PKHD1L1: variants seen among roughly 807,000 people sequenced by gnomAD.
PKHD1L1 encodes the protein fibrocystin-L.
PKHD1L1 carries 434 observed loss-of-function variants against 462.9 expected under a neutral mutation model. The ratio of observed to expected loss-of-function variants is 0.94; its 90% CI spans 0.87 to 1.02. The LOEUF is 1.02. Ranked by LOEUF, PKHD1L1 falls within the 50% of genes least tolerant of loss-of-function variation. The probability of loss-of-function intolerance (pLI) is 0.00; values close to 1 mark genes in which losing one functional copy is unlikely to be tolerated. For missense variants in PKHD1L1, 5,202 were observed against 5,096.1 expected (o/e 1.02, Z -0.63); for synonymous variants, 1,781 against 1,750.0 (o/e 1.02, Z -0.44).
In PKHD1L1 at chr8:109,382,462, G is replaced by A; in HGVS notation, c.309-1G>A. 6.2e-7 allele frequency: 1 copy of A among 1,602,210 alleles called. No homozygotes were observed. ...TCATATATTCTTCATTTTCTTTATA[G>A]AGCAATGCCGGAAGATTCCTACACT... On this transcript the variant is annotated splice_acceptor_variant, in intron 3 of 77. Coordinates refer to ENST00000378402, the MANE Select transcript of PKHD1L1 (RefSeq NM_177531.6). LOFTEE classifies it high-confidence loss of function.
chr8:109,432,729 T>G (rs1586498531), intron 27 of PKHD1L1, among the ~76,000 whole-genome samples: 1 of 152,348 alleles, frequency 6.6e-6, no homozygotes, highest in East Asian at 1.9e-4. Flanking sequence ...GCATGGTTTA[T>G]CCTTTCCTCA....
At chr8:109,477,115 T>C in intron 52 of PKHD1L1, 110 bp from the exon 53 acceptor site, 1 of 994,008 alleles carries the variant, frequency 1.0e-6, no homozygotes. Flanking sequence ...ACATGTGAAT[T>C]ATAATTCAAG....
chr8:109,415,209 C>A (rs1814085429), intron 21 of PKHD1L1, among the ~76,000 whole-genome samples: 1 of 151,814 alleles, frequency 6.6e-6, no homozygotes, highest in African/African-American at 2.4e-5. Flanking sequence ...GCCATGTTGC[C>A]ACAGCTGGTC....
chr8:109,486,944 G>C (rs1341491326), intron 59 of PKHD1L1, 123 bp downstream of exon 59: 1 of 1,043,710 alleles, frequency 9.6e-7, no homozygotes, highest in Non-Finnish European at 1.4e-6. Context: ...AGCATTAAAA[G>C]TGATTATGTA....
intron 16 of PKHD1L1, among the ~76,000 whole-genome samples, chr8:109,405,452 C>T (rs566320851): frequency 2.1e-4 from 32 of 152,022 alleles, no homozygotes; most frequent in African/African-American, 6.5e-4. Flanking sequence ...CCCAAATGCC[C>T]GTCAATGATA....
intron 4 of PKHD1L1, among the ~76,000 whole-genome samples, chr8:109,382,798 T>C (rs2168679): frequency 0.55 from 83,591 of 151,166 alleles, 23,258 homozygotes; most frequent in South Asian, 0.65. Context: ...ATTAAACTTT[T>C]GTACTTCAAA....
At chr8:109,381,324 A>G (rs1407244981) in intron 2 of PKHD1L1, 46 bp from the exon 3 acceptor site, 3 of 1,477,976 alleles carry the variant, frequency 2.0e-6, no homozygotes, top group Non-Finnish European at 2.8e-6. Context: ...TAGGTCTCTG[A>G]AGATAGAATA....
intron 17 of PKHD1L1, 41 bp downstream of exon 17, chr8:109,406,519 T>G (rs377334353): frequency 6.5e-7 from 1 of 1,531,636 alleles, no homozygotes; most frequent in Non-Finnish European, 8.8e-7. Context: ...AGGAAACAAA[T>G]GTATATCCTG....
chr8:109,462,191 G>A (rs904016543), intron 48 of PKHD1L1, among the ~76,000 whole-genome samples: 2 of 152,080 alleles, frequency 1.3e-5, no homozygotes, highest in Non-Finnish European at 2.9e-5. Context: ...TCCTGTGCCT[G>A]AGCCACTATC....
At chr8:109,398,398 C>G in intron 11 of PKHD1L1, 61 bp from the exon 12 acceptor site, 2 of 1,049,236 alleles carry the variant, frequency 1.9e-6, no homozygotes, top group Non-Finnish European at 2.9e-6. Context: ...TAAAGATACA[C>G]TGATGTGATT....
rs1195952605 is a variant in PKHD1L1 at position 109,465,095 on chromosome 8, G to C, written c.8263G>C (p.Gly2755Arg). 6.2e-7 allele frequency: 1 copy of C among 1,613,788 alleles called. No homozygotes were observed. The highest frequency in any genetic ancestry group is 1.7e-5 in the Admixed American group (1 of 59,986). The stretch of plus-strand genomic sequence containing the variant: ...TGACCGTCCCAACTGTGTAGCTTTG[G>C]GAGTGACATCCATCTCTGGAGTTTG... ...NFDRPNCVAL[G>R]VTSISGVCND... Residue 2755 changes from glycine to arginine, a missense_variant, in exon 49 of 78, where the codon GGA becomes CGA. By Grantham distance (125) the Gly-to-Arg change is moderately radical (BLOSUM62 -2). Transcript: ENST00000378402.
In PKHD1L1 at chr8:109,486,964, T is replaced by G. The variant is rs960348696; in HGVS notation, c.9880+143T>G. 2.1e-5 allele frequency: 17 copies of G among 792,846 alleles called. No homozygotes were observed. The African/African-American group carries it at 3.0e-4, about 14-fold the overall frequency. 49.1% of individuals were successfully genotyped at this position (792,846 alleles called of 1,614,324 possible). On this transcript the variant is annotated intron_variant, in intron 59 of 77. Transcript: ENST00000378402. ...TAAAAGTGATTATGTAGCCCAGTTT[T>G]TACCTTCCAAGTAAATTCTCTTAAA...
chr8:109,504,492 G>A lies in PKHD1L1; in HGVS notation c.10994G>A (p.Ser3665Asn). 2 of 1,458,732 alleles carry A rather than the reference G, an allele frequency of 1.4e-6. No homozygotes were observed. Among genetic ancestry groups the A allele is most frequent in the Non-Finnish European group, 1.8e-6 (2 of 1,092,026 alleles). 90.4% of individuals were successfully genotyped at this position (1,458,732 alleles called of 1,614,324 possible). A position where few individuals can be genotyped will look rare whatever the true frequency, so the allele number is the denominator to read the frequency against. Residue 3665 changes from serine to asparagine, a missense_variant and splice_region_variant, in exon 68 of 78, where the codon AGT (serine) becomes AAT (asparagine). Around this residue, in one of 3 missense-constraint regions of PKHD1L1, gnomAD observed 698 missense variants for 736.3 expected, o/e 0.95. Transcript: ENST00000378402. ...ATATTTATACATAGGCCTGATATAA[G>A]GTAAAATACATAAAAATTGTGGTTT... The part of the protein sequence containing the change: ...SKIFIHRPDI[S>N]KVNPSDCVDM...
intron 45 of PKHD1L1, 96 bp from the exon 46 acceptor site, chr8:109,456,166 C>T: frequency 7.6e-7 from 1 of 1,315,580 alleles, no homozygotes; most frequent in Non-Finnish European, 1.0e-6. Flanking sequence ...GCCTCTCCAA[C>T]ATTGATTCAA....
At chr8:109,442,770 G>C (rs1815873919) in intron 35 of PKHD1L1, among the ~76,000 whole-genome samples, 176 bp from the exon 36 acceptor site, 1 of 152,172 alleles carries the variant, frequency 6.6e-6, no homozygotes, top group Non-Finnish European at 1.5e-5. Flanking sequence ...CGTTACACAA[G>C]ATAGCTTTTA....
intron 40 of PKHD1L1, among the ~76,000 whole-genome samples, chr8:109,450,485 T>C (rs992489078): frequency 2.6e-5 from 4 of 152,150 alleles, no homozygotes; most frequent in African/African-American, 7.2e-5. Flanking sequence ...AAAATATATA[T>C]ATATATAGCA....
intron 76 of PKHD1L1, among the ~76,000 whole-genome samples, chr8:109,524,038 A>G (rs1254326800): frequency 6.6e-6 from 1 of 152,206 alleles, no homozygotes; most frequent in Non-Finnish European, 1.5e-5. Context: ...TTGATGACAC[A>G]ACTCTGATTG....
At chr8:109,390,609 T>C (rs917489818) in intron 9 of PKHD1L1, 115 bp downstream of exon 9, 12 of 510,194 alleles carry the variant, frequency 2.4e-5, no homozygotes, top group East Asian at 1.4e-4. Context: ...CTACTTTTTT[T>C]CCCCAATTAA....
chr8:109,508,283 T>G lies in PKHD1L1; in HGVS notation c.11395+19T>G. On this transcript the variant is annotated intron_variant, in intron 70 of 77. Transcript: ENST00000378402. ...ATTAATGGTAGGTATTCAATATGAG[T>G]AAACTACAATTACTCAAAACATTGC... The G allele has an allele frequency of 6.3e-7, 1 of 1,577,496 alleles. No homozygotes were observed. Among genetic ancestry groups the G allele is most frequent in the South Asian group, 1.2e-5 (1 of 85,518 alleles).
Sources: gnomAD v4.1 joint callset for allele counts (sites outside exome capture counted in the v4.1 genomes callset) on GRCh38, gnomAD v4.1.1 for gene constraint, gnomAD v4.1.1 regional missense constraint, MANE v1.5 for transcripts, NCBI Gene and HGNC (gene_info 2026-07-23, HGNC 2026-07-21) for gene names.